MEI1: variants seen among roughly 807,000 people sequenced by gnomAD.
MEI1 encodes meiosis inhibitor protein 1.
A neutral mutation model predicts 146.2 loss-of-function variants in MEI1; 103 were observed. That is an observed-to-expected ratio of 0.70 (90% CI 0.60 to 0.83). The LOEUF (loss-of-function observed/expected upper bound fraction) is 0.83, where lower values mean the gene tolerates loss of function less well. Among genes scored for constraint, MEI1 ranks in the 40% least tolerant of loss-of-function variants. The probability of loss-of-function intolerance (pLI) is 0.00; values close to 1 mark genes in which losing one functional copy is unlikely to be tolerated. For synonymous variants in MEI1, 652 were observed against 628.2 expected (o/e 1.04, Z -0.57); for missense variants, 1,529 against 1,533.0 (o/e 1.00, Z 0.04).
intron 21 of MEI1, 27 bp downstream of exon 21, chr22:41,776,294 C>A (rs2075433861): frequency 2.5e-6 from 4 of 1,611,262 alleles, no homozygotes; most frequent in Non-Finnish European, 3.4e-6. Flanking sequence ...TGTGGGCACA[C>A]TTTGACCTGA....
chr22:41,765,577 T>G (rs561610759), intron 19 of MEI1, among the ~76,000 whole-genome samples: 1 of 152,310 alleles, frequency 6.6e-6, no homozygotes, highest in African/African-American at 2.4e-5. Flanking sequence ...TATTTCATCT[T>G]ACAAAAAAAT....
rs754763781 is a variant in MEI1, at chr22:41,794,478, G to A, written c.3534+1G>A. 6.2e-7 allele frequency: 1 copy of A among 1,611,700 alleles called. No individual in the cohort carries two copies. Among genetic ancestry groups the A allele is most frequent in the Non-Finnish European group, 8.5e-7 (1 of 1,177,818 alleles). ...TGAGATTTTGAGGCTCATGACCCTG[G>A]TAAGTGCAGAAAGGATATCTTGTGG... is the stretch of plus-strand genomic sequence containing the variant. On this transcript the variant is annotated splice_donor_variant, in intron 28 of 30. Transcript: ENST00000401548. LOFTEE classifies it high-confidence loss of function.
At chr22:41,794,931 G>A (rs891359948) in intron 28 of MEI1, among the ~76,000 whole-genome samples, 4 of 152,234 alleles carry the variant, frequency 2.6e-5, no homozygotes, top group South Asian at 2.1e-4. Context: ...GAATGACAGC[G>A]AAGTGGATCA....
At chr22:41,736,223 C>A (rs1021114303) in intron 11 of MEI1, among the ~76,000 whole-genome samples, 2 of 150,714 alleles carry the variant, frequency 1.3e-5, no homozygotes, top group South Asian at 2.1e-4. Flanking sequence ...TTTTCTCTTT[C>A]TTTTCTTAAA....
intron 4 of MEI1, among the ~76,000 whole-genome samples, chr22:41,715,229 T>C (rs960236181): frequency 6.6e-6 from 1 of 152,062 alleles, no homozygotes; most frequent in Non-Finnish European, 1.5e-5. Context: ...GCTGTTACTA[T>C]TATTATTTCC....
Position 41,784,644 on chromosome 22 carries a change from A to C in MEI1, c.3206A>C (p.Gln1069Pro). ...ILCFLRTALR[Q>P]SFSSALVALV... ...TGCTTCCTGCGGACAGCCCTGCGAC[A>C]AAGCTTTTCCTCTGCCCTGGTAGCC... Residue 1069 changes from glutamine (Q) to proline (P), a missense_variant, in exon 26 of 31, where the codon CAA (glutamine) becomes CCA (proline). Gln to Pro is a moderately conservative substitution (Grantham distance 76). Around this residue, in one of 3 missense-constraint regions of MEI1, gnomAD observed 313 missense variants for 337.3 expected, o/e 0.93. Transcript: ENST00000401548. 1.2e-6 allele frequency: 2 copies of C among 1,613,584 alleles called. No individual in the cohort carries two copies. The highest frequency in any genetic ancestry group is 1.7e-6 in the Non-Finnish European group (2 of 1,179,886).
At chr22:41,742,494 G>A (rs147833294) in intron 11 of MEI1, among the ~76,000 whole-genome samples, 2 of 152,098 alleles carry the variant, frequency 1.3e-5, no homozygotes, top group Admixed American at 1.3e-4. Context: ...GACTTATTAC[G>A]TATTAAGCAT....
intron 24 of MEI1, among the ~76,000 whole-genome samples, chr22:41,783,663 G>C (rs1471429641): frequency 1.3e-5 from 2 of 152,066 alleles, no homozygotes; most frequent in African/African-American, 4.8e-5. Context: ...AGGCCATACA[G>C]CTGACAGGTA....
intron 11 of MEI1, among the ~76,000 whole-genome samples, chr22:41,737,917 T>C (rs5758444): frequency 6.6e-6 from 1 of 151,950 alleles, no homozygotes; most frequent in East Asian, 1.9e-4. Flanking sequence ...TCTTAAAAAA[T>C]AATAATAATA....
chr22:41,748,208 CAAG>C lies in MEI1; in HGVS notation c.1786_1788del (p.Lys596del). 6.2e-7 allele frequency: 1 copy of C among 1,612,356 alleles called. No homozygotes were observed. Among genetic ancestry groups the C allele is most frequent in the South Asian group, 1.1e-5 (1 of 91,032 alleles). ...TTCCCCACATGAAGGAGAAGTTTTCCAAGAAGCTTGGTAGGCAGCAGGCAAATG... is the reference window on the plus strand; with the variant it reads ...TTCCCCACATGAAGGAGAAGTTTTCCAAGCTTGGTAGGCAGCAGGCAAATG... On this transcript the variant is annotated inframe_deletion, in exon 15 of 31. Transcript: ENST00000401548.
intron 26 of MEI1, 50 bp downstream of exon 26, chr22:41,784,833 A>G (rs1426657065): frequency 6.8e-7 from 1 of 1,479,420 alleles, no homozygotes. Context: ...AACAGCAGGA[A>G]GGGGTGGCTG....
intron 7 of MEI1, among the ~76,000 whole-genome samples, chr22:41,726,804 C>T (rs977240550): frequency 3.3e-5 from 5 of 150,512 alleles, no homozygotes; most frequent in Admixed American, 2.7e-4. Context: ...GATGGAGTCT[C>T]GCTCTGTCGC....
At chr22:41,734,115 G>A (rs767486107) in intron 11 of MEI1, among the ~76,000 whole-genome samples, 3 of 145,324 alleles carry the variant, frequency 2.1e-5, no homozygotes, top group Non-Finnish European at 4.4e-5. Context: ...GTAACAGAGT[G>A]AAATTCTGTC....
chr22:41,738,398 C>G (rs2072566178), intron 11 of MEI1, among the ~76,000 whole-genome samples: 1 of 152,030 alleles, frequency 6.6e-6, no homozygotes, highest in Non-Finnish European at 1.5e-5. Context: ...AACAGCCTGA[C>G]CAACGTGGTT....
chr22:41,755,954 ATC>A (rs1174040274), intron 17 of MEI1, among the ~76,000 whole-genome samples: 4 of 151,896 alleles, frequency 2.6e-5, no homozygotes, highest in African/African-American at 4.8e-5. Context: ...CTGTCTTTCA[ATC>A]TCTCATCCAC....
At chr22:41,702,664 C>G (rs572610145) in intron 1 of MEI1, among the ~76,000 whole-genome samples, 1 of 152,054 alleles carries the variant, frequency 6.6e-6, no homozygotes, top group African/African-American at 2.4e-5. Context: ...AGGCCAGTCT[C>G]GAACTCCCAA....
intron 11 of MEI1, among the ~76,000 whole-genome samples, chr22:41,741,663 T>C (rs1425848726): frequency 6.6e-6 from 1 of 152,274 alleles, no homozygotes; most frequent in Non-Finnish European, 1.5e-5. Context: ...AATACTTCTA[T>C]AGACTTTGAC....
intron 26 of MEI1, among the ~76,000 whole-genome samples, chr22:41,790,714 C>G (rs2076149461): frequency 6.6e-6 from 1 of 152,110 alleles, no homozygotes; most frequent in South Asian, 2.1e-4. Flanking sequence ...CTGCCTCACC[C>G]TCCTGAGCAG....
chr22:41,771,635 C>T (rs1464956995), intron 20 of MEI1, among the ~76,000 whole-genome samples: 1 of 151,660 alleles, frequency 6.6e-6, no homozygotes, highest in Non-Finnish European at 1.5e-5. Flanking sequence ...GATGGGGTTT[C>T]ACCAGGTTGC....
Sources: gnomAD v4.1 joint callset for allele counts (sites outside exome capture counted in the v4.1 genomes callset) on GRCh38, gnomAD v4.1.1 for gene constraint, gnomAD v4.1.1 regional missense constraint, MANE v1.5 for transcripts, NCBI Gene and HGNC (gene_info 2026-07-23, HGNC 2026-07-21) for gene names.